The following PRKAA2 variants were observed in gnomAD, a reference collection of about 807,000 sequenced individuals.
PRKAA2 encodes protein kinase AMP-activated catalytic subunit alpha 2.
A neutral mutation model predicts 56.3 loss-of-function variants in PRKAA2; 40 were observed. That is an observed-to-expected ratio of 0.71 (90% CI 0.55 to 0.92). PRKAA2 has a LOEUF of 0.92. Ranked by LOEUF, PRKAA2 falls within the 40% of genes least tolerant of loss-of-function variation. The pLI, the probability that PRKAA2 is intolerant of heterozygous loss-of-function variation, is 0.00. For missense variants in PRKAA2, 542 were observed against 686.9 expected, an observed-to-expected ratio of 0.79 and a Z score of 2.36; for synonymous variants, 214 against 234.2, an observed-to-expected ratio of 0.91 and a Z score of 0.79.
intron 1 of PRKAA2, among the ~76,000 whole-genome samples, chr1:56,664,637 T>A (rs1644020628): frequency 6.6e-6 from 1 of 152,006 alleles, no homozygotes; most frequent in Non-Finnish European, 1.5e-5. Flanking sequence ...GAGAGCAAAT[T>A]TTTTTCCCCT....
chr1:56,675,959 AAAG>A (rs1461838348), intron 2 of PRKAA2, among the ~76,000 whole-genome samples: 1 of 63,528 alleles, frequency 1.6e-5, no homozygotes, highest in Non-Finnish European at 2.9e-5. Context: ...TACTATTAAA[AAAG>A]AAGTATTAAT....
chr1:56,679,494 C>T (rs1283633792), intron 2 of PRKAA2, among the ~76,000 whole-genome samples: 1 of 152,164 alleles, frequency 6.6e-6, no homozygotes, highest in Non-Finnish European at 1.5e-5. Flanking sequence ...TGCAGTTTCC[C>T]AAGCCCCAAA....
At chr1:56,670,862 A>G (rs917298649) in intron 1 of PRKAA2, among the ~76,000 whole-genome samples, 1 of 152,150 alleles carries the variant, frequency 6.6e-6, no homozygotes, top group Non-Finnish European at 1.5e-5. Context: ...TGAATATGGT[A>G]TATCTGACAG....
In PRKAA2 at chr1:56,709,766, A is replaced by C. The variant is rs1188903574; in HGVS notation, c.*2053A>C. On this transcript the variant is annotated 3_prime_UTR_variant, in exon 9 of 9. Coordinates refer to ENST00000371244, the MANE Select transcript of PRKAA2 (RefSeq NM_006252.4). ...AGTGATGTTTTAGCTCCATTAGTCT[A>C]ATAGGTCAGATATTAAAAAATTGTT... 2 of 152,194 alleles carry C rather than the reference A, an allele frequency of 1.3e-5. No individual in the cohort carries two copies. Among genetic ancestry groups the C allele is most frequent in the Admixed American group, 6.5e-5 (1 of 15,272 alleles). The allele number at this position is 152,194 out of a possible 1,614,324, so 9.4% of individuals were successfully genotyped here.
intron 1 of PRKAA2, among the ~76,000 whole-genome samples, chr1:56,659,285 C>A (rs1303544317): frequency 6.6e-6 from 1 of 151,260 alleles, no homozygotes; most frequent in East Asian, 2.0e-4. Context: ...ACATGAGAGG[C>A]CAGGCATTCA....
Position 56,711,680 on chromosome 1 carries a change from C to G in PRKAA2, c.*3967C>G, listed in dbSNP as rs1027444773. 3.3e-5 allele frequency: 5 copies of G among 151,848 alleles called. No individual in the cohort carries two copies. Among genetic ancestry groups the G allele is most frequent in the African/African-American group, 1.2e-4 (5 of 41,386 alleles). 9.4% of individuals were successfully genotyped at this position (151,848 alleles called of 1,614,324 possible). On this transcript the variant is annotated 3_prime_UTR_variant, in exon 9 of 9. Coordinates refer to ENST00000371244, the MANE Select transcript of PRKAA2 (RefSeq NM_006252.4). ...TAGTTCTCAAAGACTCTATTAAAAA[C>G]TCTGGACGAGGGATATGTGCAATCT...
At chr1:56,672,711 T>G (rs1644086494) in intron 1 of PRKAA2, among the ~76,000 whole-genome samples, 1 of 152,136 alleles carries the variant, frequency 6.6e-6, no homozygotes, top group Admixed American at 6.6e-5. Flanking sequence ...GAGGTTATAG[T>G]AATCTGAGAA....
chr1:56,697,170 C>A (rs896593119), intron 6 of PRKAA2, among the ~76,000 whole-genome samples: 1 of 151,644 alleles, frequency 6.6e-6, no homozygotes, highest in South Asian at 2.1e-4. Context: ...CAAGCCACCA[C>A]ACCCAGCTAA....
chr1:56,653,828 C>T (rs564177477), intron 1 of PRKAA2, among the ~76,000 whole-genome samples: 1 of 152,120 alleles, frequency 6.6e-6, no homozygotes, highest in Non-Finnish European at 1.5e-5. Flanking sequence ...AGAAGCTGCT[C>T]ACTTTTCACC....
At chr1:56,702,371 C>T (rs768692430) in intron 6 of PRKAA2, among the ~76,000 whole-genome samples, 54 of 152,224 alleles carry the variant, frequency 3.5e-4, no homozygotes, top group Non-Finnish European at 4.8e-4. Flanking sequence ...GCGTGAGCCA[C>T]GGCGCCCAGC....
chr1:56,677,549 T>C (rs554878312), intron 2 of PRKAA2, among the ~76,000 whole-genome samples: 22 of 152,318 alleles, frequency 1.4e-4, no homozygotes, highest in African/African-American at 5.1e-4. Context: ...CGTTTGGGTA[T>C]GAGTCCTACT....
At position 56,714,324 on chromosome 1, in the gene PRKAA2, A is replaced by G. The variant is rs2100449577; in HGVS notation, c.*6611A>G. ...GTTTTTTGATTTACAAAATGTGGAT[A>G]ATAACCTACCTCACAGATGTGTGTG... is the stretch of plus-strand genomic sequence containing the variant. On this transcript the variant is annotated 3_prime_UTR_variant, in exon 9 of 9. Transcript: ENST00000371244. The G allele has an allele frequency of 6.6e-6, 1 of 152,312 alleles. No individual in the cohort carries two copies. The highest frequency in any genetic ancestry group is 2.1e-4 in the South Asian group (1 of 4,826). 9.4% of individuals were successfully genotyped at this position (152,312 alleles called of 1,614,324 possible). A position where few individuals can be genotyped will look rare whatever the true frequency, so the allele number is the denominator to read the frequency against.
intron 1 of PRKAA2, among the ~76,000 whole-genome samples, chr1:56,673,233 G>A (rs1316559246): frequency 2.0e-5 from 3 of 151,962 alleles, no homozygotes; most frequent in Non-Finnish European, 4.4e-5. Flanking sequence ...AAATTAGCTG[G>A]GGATGCTGGC....
chr1:56,680,604 C>T (rs532954494), intron 2 of PRKAA2, among the ~76,000 whole-genome samples: 233 of 152,112 alleles, frequency 1.5e-3, no homozygotes, highest in African/African-American at 5.0e-3. Context: ...TGAGAACATG[C>T]GGTGTTTGGT....
intron 1 of PRKAA2, among the ~76,000 whole-genome samples, chr1:56,662,530 G>A (rs938904362): frequency 6.6e-6 from 1 of 152,066 alleles, no homozygotes; most frequent in Admixed American, 6.5e-5. Context: ...TGATCCTCCT[G>A]CCTTGGCCTC....
intron 2 of PRKAA2, among the ~76,000 whole-genome samples, chr1:56,674,784 A>G (rs1265773162): frequency 6.6e-6 from 1 of 152,002 alleles, no homozygotes; most frequent in South Asian, 2.1e-4. Flanking sequence ...TAGTACATCA[A>G]TTCTCAAGTG....
chr1:56,692,237 G>A (rs374097243), intron 3 of PRKAA2, 121 bp from the exon 4 acceptor site: 1 of 1,133,876 alleles, frequency 8.8e-7, no homozygotes, highest in Non-Finnish European at 1.3e-6. Flanking sequence ...TCACCTTATT[G>A]GTCAGGCTGG....
chr1:56,672,892 G>A (rs958488916), intron 1 of PRKAA2, among the ~76,000 whole-genome samples: 1 of 152,150 alleles, frequency 6.6e-6, no homozygotes, highest in Admixed American at 6.6e-5. Context: ...AATGAGACAA[G>A]TTGGAAACTA....
At chr1:56,689,251 G>A (rs1450023826) in intron 2 of PRKAA2, among the ~76,000 whole-genome samples, 1 of 152,144 alleles carries the variant, frequency 6.6e-6, no homozygotes, top group Non-Finnish European at 1.5e-5. Flanking sequence ...GATCACTTTG[G>A]TGCTTGTAAA....
Sources: allele counts gnomAD v4.1 joint callset (sites outside exome capture counted in the v4.1 genomes callset), GRCh38; gene constraint gnomAD v4.1.1; transcripts MANE v1.5; gene names NCBI Gene and HGNC (gene_info 2026-07-23, HGNC 2026-07-21).